Variants in THEM4 observed in about 807,000 individuals in gnomAD.
The protein encoded by THEM4 is acyl-coenzyme A thioesterase THEM4.
A neutral mutation model predicts 25.0 loss-of-function variants in THEM4; 22 were observed. The observed-to-expected ratio is 0.88, with a 90% CI of 0.63 to 1.26. The LOEUF is 1.26. Ranked by LOEUF, THEM4 falls within the 50% of genes most tolerant of loss-of-function variation. The pLI is 0.00. For missense variants in THEM4, 286 were observed against 300.3 expected (o/e 0.95, Z 0.35); for synonymous variants, 113 against 105.6 (o/e 1.07, Z -0.43).
intron 4 of THEM4, among the ~76,000 whole-genome samples, chr1:151,878,596 G>A (rs988526332): frequency 6.6e-6 from 1 of 152,208 alleles, no homozygotes; most frequent in Non-Finnish European, 1.5e-5. Flanking sequence ...GCTTAAGCTA[G>A]TGAGAGTTAA....
chr1:151,887,757 G>C (rs1297426346), intron 4 of THEM4, among the ~76,000 whole-genome samples: 1 of 152,006 alleles, frequency 6.6e-6, no homozygotes, highest in African/African-American at 2.4e-5. Context: ...CAAGAAGCTA[G>C]GACTACAGAC....
rs1256945230 is a variant in THEM4 at position 151,873,990 on chromosome 1, G to A, written c.*898C>T. 6.6e-6 allele frequency: 1 copy of A among 152,238 alleles called. No individual in the cohort carries two copies. Among genetic ancestry groups the A allele is most frequent in the Non-Finnish European group, 1.5e-5 (1 of 68,058 alleles). 9.4% of individuals were successfully genotyped at this position (152,238 alleles called of 1,614,324 possible). A position where few individuals can be genotyped will look rare whatever the true frequency, so the allele number is the denominator to read the frequency against. ...CTTTGCTACAGCAGCCCTAGGAAAT[G>A]AACACAGGCTCCTTCCAGTGATGAA... On this transcript the variant is annotated 3_prime_UTR_variant, in exon 6 of 6. Transcript: ENST00000368814.
intron 1 of THEM4, 38 bp from the exon 2 acceptor site, chr1:151,895,232 G>T: frequency 6.7e-7 from 1 of 1,497,228 alleles, no homozygotes; most frequent in African/African-American, 1.4e-5. Context: ...AGTAATGGGA[G>T]GTGCATTCTA....
chr1:151,891,837 G>A (rs906199639), intron 2 of THEM4, among the ~76,000 whole-genome samples: 2 of 152,132 alleles, frequency 1.3e-5, no homozygotes, highest in East Asian at 1.9e-4. Context: ...GGTAGATAGC[G>A]GACCAGCTGC....
At chr1:151,886,982 A>G (rs1653984537) in intron 4 of THEM4, among the ~76,000 whole-genome samples, 1 of 152,374 alleles carries the variant, frequency 6.6e-6, no homozygotes, top group African/African-American at 2.4e-5. Flanking sequence ...TTTACAAATG[A>G]CATGACTTTG....
rs55900104 is a variant in THEM4 at position 151,878,891 on chromosome 1, T to TACACACACACACACACACAC, written c.558-1786_558-1767dup. On this transcript the variant is annotated intron_variant, in intron 4 of 5. Transcript: ENST00000368814. ...GTTTTATTATATTTGTATATGTCTA[T>TACACACACACACACACACAC]ACACACACACACACACACACACACA... Among the ~76,000 whole-genome samples the TACACACACACACACACACAC allele has an allele frequency of 5.3e-4, 73 of 138,636 alleles. 1 individual carries two copies. The highest frequency in any genetic ancestry group is 1.8e-3 in the African/African-American group (67 of 37,438). 91.0% of individuals were successfully genotyped at this position (138,636 alleles called of 152,430 possible). A position where few individuals can be genotyped will look rare whatever the true frequency, so the allele number is the denominator to read the frequency against.
intron 4 of THEM4, among the ~76,000 whole-genome samples, chr1:151,878,467 C>T (rs886577943): frequency 1.3e-5 from 2 of 152,224 alleles, no homozygotes; most frequent in South Asian, 2.1e-4. Context: ...GGAAAGGCTA[C>T]GTAAGGATGA....
chr1:151,892,470 G>A (rs774641527), intron 2 of THEM4, among the ~76,000 whole-genome samples: 2 of 152,176 alleles, frequency 1.3e-5, no homozygotes, highest in Non-Finnish European at 2.9e-5. Flanking sequence ...AGTCAGTTGT[G>A]TGATGTGCTA....
Position 151,871,095 on chromosome 1 carries a change from T to C in THEM4, c.*3793A>G, listed in dbSNP as rs1572069025. ...ATCCCAGTACTTTGGCAGGCTGAGG[T>C]GGGCAGATCACTTGAGCCCAGGAGT... is the stretch of plus-strand genomic sequence containing the variant. On this transcript the variant is annotated 3_prime_UTR_variant, in exon 6 of 6. Coordinates refer to ENST00000368814, the MANE Select transcript of THEM4 (RefSeq NM_053055.5). Among the ~76,000 whole-genome samples the C allele has an allele frequency of 6.6e-6, 1 of 151,854 alleles. No homozygotes were observed. Among genetic ancestry groups the C allele is most frequent in the Non-Finnish European group, 1.5e-5 (1 of 67,970 alleles).
At chr1:151,893,024 C>T (rs539691497) in intron 2 of THEM4, among the ~76,000 whole-genome samples, 76 of 152,258 alleles carry the variant, frequency 5.0e-4, no homozygotes, top group African/African-American at 1.7e-3. Flanking sequence ...GGTTAGCGGA[C>T]TCAGCAACAT....
chr1:151,894,878 A>G, intron 2 of THEM4, 130 bp downstream of exon 2: 1 of 1,027,298 alleles, frequency 9.7e-7, no homozygotes, highest in Non-Finnish European at 1.5e-6. Flanking sequence ...GGTCTATAAA[A>G]TTGGTGACTA....
In THEM4 at chr1:151,874,630, C is replaced by T. The variant is rs145299677; in HGVS notation, c.*258G>A. ...GCTCAGGCAATCCGCCTGCCTCGGC[C>T]TCCTAAAGTGCTGGGATTATAGGTG... On this transcript the variant is annotated 3_prime_UTR_variant, in exon 6 of 6. Transcript: ENST00000368814. The T allele has an allele frequency of 1.1e-3, 565 of 523,104 alleles. 1 individual carries two copies. Among genetic ancestry groups the T allele is most frequent in the African/African-American group, 9.7e-3 (499 of 51,640 alleles). 32.4% of individuals were successfully genotyped at this position (523,104 alleles called of 1,614,324 possible).
Position 151,871,728 on chromosome 1 carries a change from G to A in THEM4, c.*3160C>T, listed in dbSNP as rs1213241652. On this transcript the variant is annotated 3_prime_UTR_variant, in exon 6 of 6. Coordinates refer to ENST00000368814, the MANE Select transcript of THEM4 (RefSeq NM_053055.5). The stretch of plus-strand genomic sequence containing the variant: ...AGGGAAAAAAGTGGATACGAAGGGA[G>A]GCAGGCATACTTAACATGAAGAAAA... Among the ~76,000 whole-genome samples the A allele has an allele frequency of 2.6e-5, 4 of 152,208 alleles. No individual in the cohort carries two copies. Among genetic ancestry groups the A allele is most frequent in the Admixed American group, 6.5e-5 (1 of 15,284 alleles).
At chr1:151,877,897 G>A (rs1197058008) in intron 4 of THEM4, among the ~76,000 whole-genome samples, 1 of 152,176 alleles carries the variant, frequency 6.6e-6, no homozygotes, top group Non-Finnish European at 1.5e-5. Flanking sequence ...ACAGAAGGTA[G>A]AGCACGGAAA....
intron 1 of THEM4, among the ~76,000 whole-genome samples, chr1:151,897,421 A>G (rs764737353): frequency 4.6e-5 from 7 of 152,116 alleles, no homozygotes; most frequent in Non-Finnish European, 1.0e-4. Flanking sequence ...CTCCCAACCT[A>G]TATCTTTCTT....
intron 2 of THEM4, among the ~76,000 whole-genome samples, chr1:151,892,547 T>C (rs1002911279): frequency 1.3e-5 from 2 of 152,148 alleles, no homozygotes; most frequent in Non-Finnish European, 2.9e-5. Flanking sequence ...ACAGAATAAT[T>C]CTTCCCTCGA....
rs189517210 is a variant in THEM4 at position 151,909,001 on chromosome 1, T to G, written c.99+359A>C. ...AGGGAAGATAAAAGCTGTGGTATCTTTTAGTTCACGTCACTTTAATCTTTG... is the reference window on the plus strand; with the variant it reads ...AGGGAAGATAAAAGCTGTGGTATCTGTTAGTTCACGTCACTTTAATCTTTG... On this transcript the variant is annotated intron_variant, in intron 1 of 5. Transcript: ENST00000368814. Among the ~76,000 whole-genome samples, 335 of 152,364 alleles carry G rather than the reference T, an allele frequency of 2.2e-3. 1 individual carries two copies. Among genetic ancestry groups the G allele is most frequent in the Non-Finnish European group, 1.9e-3 (126 of 68,034 alleles).
intron 1 of THEM4, among the ~76,000 whole-genome samples, chr1:151,903,877 A>T (rs1335173687): frequency 6.6e-6 from 1 of 152,218 alleles, no homozygotes; most frequent in Non-Finnish European, 1.5e-5. Context: ...TTTAACTTTT[A>T]AAGTCTGGGA....
At chr1:151,898,611 C>G (rs936600673) in intron 1 of THEM4, among the ~76,000 whole-genome samples, 2 of 152,264 alleles carry the variant, frequency 1.3e-5, no homozygotes, top group Non-Finnish European at 2.9e-5. Context: ...AAAGTGCCAC[C>G]TCTTGGCAGG....
Sources: allele counts gnomAD v4.1 joint callset (sites outside exome capture counted in the v4.1 genomes callset), GRCh38; gene constraint gnomAD v4.1.1; transcripts MANE v1.5; gene names NCBI Gene and HGNC (gene_info 2026-07-23, HGNC 2026-07-21).